The following HS6ST3 variants were observed in gnomAD, a reference collection of about 807,000 sequenced individuals.
HS6ST3 encodes the protein heparan-sulfate 6-O-sulfotransferase 3.
Under a neutral mutation model 36.7 loss-of-function variants are expected in HS6ST3, and 12 were observed. The ratio of observed to expected loss-of-function variants is 0.33; its 90% CI spans 0.21 to 0.53. HS6ST3 has a LOEUF of 0.53. HS6ST3 is among the 20% of genes least tolerant of loss of function. HS6ST3 has a pLI of 0.95. For missense variants in HS6ST3, 584 were observed against 640.9 expected (o/e 0.91, Z 0.96); for synonymous variants, 240 against 257.5 (o/e 0.93, Z 0.65).
intron 1 of HS6ST3, among the ~76,000 whole-genome samples, chr13:96,304,474 CA>C (rs2054899299): frequency 2.0e-5 from 3 of 151,958 alleles, no homozygotes; most frequent in African/African-American, 7.3e-5. Flanking sequence ...ATCAAGGGAC[CA>C]TCTAATGGAG....
chr13:96,254,943 A>G (rs1442596704), intron 1 of HS6ST3, among the ~76,000 whole-genome samples: 1 of 152,240 alleles, frequency 6.6e-6, no homozygotes, highest in African/African-American at 2.4e-5. Context: ...TAGAAAGCCA[A>G]TAATCTGTGA....
intron 1 of HS6ST3, among the ~76,000 whole-genome samples, chr13:96,229,426 T>C (rs181050618): frequency 1.3e-5 from 2 of 152,336 alleles, no homozygotes; most frequent in African/African-American, 4.8e-5. Flanking sequence ...GACGACTAGC[T>C]TAAGGTGCTG....
chr13:96,159,654 A>C (rs1475781461), intron 1 of HS6ST3, among the ~76,000 whole-genome samples: 2 of 152,254 alleles, frequency 1.3e-5, no homozygotes, highest in African/African-American at 4.8e-5. Flanking sequence ...AATATATTAC[A>C]CAAAACAAAA....
intron 1 of HS6ST3, among the ~76,000 whole-genome samples, chr13:96,356,403 T>C (rs1449899043): frequency 6.6e-6 from 1 of 152,198 alleles, no homozygotes; most frequent in African/African-American, 2.4e-5. Context: ...ATATATTTCT[T>C]AAATAATGAG....
intron 1 of HS6ST3, among the ~76,000 whole-genome samples, chr13:96,468,610 T>C (rs2055825965): frequency 6.6e-6 from 1 of 152,142 alleles, no homozygotes; most frequent in African/African-American, 2.4e-5. Flanking sequence ...GGTTGAATTA[T>C]AGTTCCCACT....
chr13:96,203,961 A>G (rs1163309585), intron 1 of HS6ST3, among the ~76,000 whole-genome samples: 1 of 152,200 alleles, frequency 6.6e-6, no homozygotes, highest in Non-Finnish European at 1.5e-5. Flanking sequence ...ACATATGATT[A>G]TAAAGCCAAA....
chr13:96,357,443 G>A (rs963697487), intron 1 of HS6ST3, among the ~76,000 whole-genome samples: 1 of 152,136 alleles, frequency 6.6e-6, no homozygotes, highest in East Asian at 1.9e-4. Context: ...CCATTGTAGG[G>A]TTGTTAATTG....
chr13:96,148,344 A>G (rs1401663086), intron 1 of HS6ST3, among the ~76,000 whole-genome samples: 1 of 152,238 alleles, frequency 6.6e-6, no homozygotes, highest in Admixed American at 6.5e-5. Flanking sequence ...GATTAAATAT[A>G]TCTCACAGTC....
chr13:96,248,035 A>G (rs1481287108), intron 1 of HS6ST3, among the ~76,000 whole-genome samples: 1 of 152,170 alleles, frequency 6.6e-6, no homozygotes, highest in Admixed American at 6.6e-5. Flanking sequence ...TAAGATAATC[A>G]TCTTATAAAT....
At chr13:96,399,110 G>T (rs972707677) in intron 1 of HS6ST3, among the ~76,000 whole-genome samples, 1 of 152,204 alleles carries the variant, frequency 6.6e-6, no homozygotes, top group Non-Finnish European at 1.5e-5. Context: ...AATTAGCTAT[G>T]CAGCAATAGA....
At chr13:96,472,355 A>G (rs182206011) in intron 1 of HS6ST3, among the ~76,000 whole-genome samples, 3 of 152,268 alleles carry the variant, frequency 2.0e-5, no homozygotes, top group Admixed American at 6.5e-5. Flanking sequence ...GCCCTTATAT[A>G]TGTACAATTT....
intron 1 of HS6ST3, among the ~76,000 whole-genome samples, chr13:96,297,664 C>A (rs909736045): frequency 1.3e-5 from 2 of 151,868 alleles, no homozygotes; most frequent in African/African-American, 4.8e-5. Flanking sequence ...GTATAGTTCT[C>A]CTCTCCCTCA....
At chr13:96,224,118 A>G (rs774279302) in intron 1 of HS6ST3, among the ~76,000 whole-genome samples, 1 of 151,938 alleles carries the variant, frequency 6.6e-6, no homozygotes, top group African/African-American at 2.4e-5. Flanking sequence ...GCTCCTTTCC[A>G]TGTTACCTAT....
At chr13:96,311,032 T>G (rs2054938447) in intron 1 of HS6ST3, among the ~76,000 whole-genome samples, 1 of 152,174 alleles carries the variant, frequency 6.6e-6, no homozygotes, top group South Asian at 2.1e-4. Context: ...TTACCTCAGA[T>G]GCAGATAACT....
At chr13:96,742,751 G>A (rs951321005) in intron 1 of HS6ST3, among the ~76,000 whole-genome samples, 1 of 151,874 alleles carries the variant, frequency 6.6e-6, no homozygotes, top group South Asian at 2.1e-4. Flanking sequence ...TTATGATTAG[G>A]GATATTAATT....
At chr13:96,593,174 C>CTTTCT (rs2056389112) in intron 1 of HS6ST3, among the ~76,000 whole-genome samples, 3 of 46,602 alleles carry the variant, frequency 6.4e-5, no homozygotes, top group Non-Finnish European at 1.0e-4. Flanking sequence ...TTCTTTCTTT[C>CTTTCT]TTTTTTTTTT....
At chr13:96,282,722 CTG>C (rs2054782034) in intron 1 of HS6ST3, among the ~76,000 whole-genome samples, 1 of 152,142 alleles carries the variant, frequency 6.6e-6, no homozygotes. Context: ...AATTTTTACA[CTG>C]TCTCATGATG....
chr13:96,465,391 T>C (rs553772834), intron 1 of HS6ST3, among the ~76,000 whole-genome samples: 166 of 152,238 alleles, frequency 1.1e-3, no homozygotes, highest in South Asian at 3.5e-3. Context: ...TAGAAGGGAA[T>C]ACTACACAGC....
At position 96,435,174 on chromosome 13, in the gene HS6ST3, G is replaced by A. The variant is rs146373549; in HGVS notation, c.707+343605G>A. On this transcript the variant is annotated intron_variant, in intron 1 of 1. Coordinates refer to ENST00000376705, the MANE Select transcript of HS6ST3 (RefSeq NM_153456.4). Reference sequence around the variant, plus strand: ...TGGTTAAATTTGACCAACAGCTCATGTGGTTTCAAAGACAGTTTTGAAAAT... The same window carrying A: ...TGGTTAAATTTGACCAACAGCTCATATGGTTTCAAAGACAGTTTTGAAAAT... Among the ~76,000 whole-genome samples, 347 of 152,310 alleles carry A rather than the reference G, an allele frequency of 2.3e-3. 2 individuals carry two copies. Among genetic ancestry groups the A allele is most frequent in the African/African-American group, 8.1e-3 (335 of 41,568 alleles).
Sources: gnomAD v4.1 joint callset for allele counts (sites outside exome capture counted in the v4.1 genomes callset) on GRCh38, gnomAD v4.1.1 for gene constraint, MANE v1.5 for transcripts, NCBI Gene and HGNC (gene_info 2026-07-23, HGNC 2026-07-21) for gene names.